Variants in FRAS1 observed in about 807,000 individuals in gnomAD.
The protein encoded by FRAS1 is extracellular matrix organizing protein FRAS1.
Under a neutral mutation model 435.2 loss-of-function variants are expected in FRAS1, and 290 were observed. The observed-to-expected ratio is 0.67, with a 90% CI of 0.61 to 0.73. The LOEUF is 0.73. FRAS1 is among the 30% of genes least tolerant of loss of function. The probability of loss-of-function intolerance (pLI) is 0.00; values close to 1 mark genes in which losing one functional copy is unlikely to be tolerated. For missense variants in FRAS1, 4,860 were observed against 5,001.5 expected, an observed-to-expected ratio of 0.97 and a Z score of 0.85; for synonymous variants, 1,800 against 1,851.0, an observed-to-expected ratio of 0.97 and a Z score of 0.71.
At chr4:78,292,208 A>G (rs1727932244) in intron 14 of FRAS1, among the ~76,000 whole-genome samples, 1 of 152,222 alleles carries the variant, frequency 6.6e-6, no homozygotes, top group Non-Finnish European at 1.5e-5. Flanking sequence ...ATCTAAATAA[A>G]ATCTGCTTTT....
chr4:78,401,881 T>C (rs1008410014), intron 30 of FRAS1, among the ~76,000 whole-genome samples: 1 of 139,148 alleles, frequency 7.2e-6, no homozygotes, highest in African/African-American at 2.5e-5. Flanking sequence ...GAGTTCTTTA[T>C]TGAAACTAAT....
At position 78,371,083 on chromosome 4, in the gene FRAS1, G is replaced by GGT. The variant is rs1456015210; in HGVS notation, c.2869+1099_2869+1100insGT. On this transcript the variant is annotated intron_variant, in intron 23 of 73. Coordinates refer to ENST00000512123, the MANE Select transcript of FRAS1 (RefSeq NM_025074.7). Reference sequence around the variant, plus strand: ...CTCGAGACCACAGAATTTTTTTTCTGTTTTTTTGTTTTTTTTTTTTTTTGC... The same window carrying GGT: ...CTCGAGACCACAGAATTTTTTTTCTGGTTTTTTTTGTTTTTTTTTTTTTTTGC... Among the ~76,000 whole-genome samples the GGT allele has an allele frequency of 9.2e-4, 117 of 127,420 alleles. 4 individuals are homozygous for GGT. Among genetic ancestry groups the GGT allele is most frequent in the African/African-American group, 1.9e-3 (59 of 31,482 alleles). The allele number at this position is 127,420 out of a possible 152,430, so 83.6% of individuals were successfully genotyped here.
At chr4:78,478,819 T>A (rs572280036) in intron 55 of FRAS1, among the ~76,000 whole-genome samples, 2 of 152,194 alleles carry the variant, frequency 1.3e-5, no homozygotes, top group African/African-American at 4.8e-5. Context: ...GCAAGCCTCA[T>A]TGATTGCTCT....
chr4:78,525,082 C>T (rs1308161713), intron 69 of FRAS1, among the ~76,000 whole-genome samples: 4 of 152,106 alleles, frequency 2.6e-5, no homozygotes, highest in African/African-American at 9.7e-5. Flanking sequence ...GAGTAGTAGA[C>T]AATAATGCTG....
At chr4:78,423,512 A>T (rs1221753271) in intron 34 of FRAS1, among the ~76,000 whole-genome samples, 1 of 152,222 alleles carries the variant, frequency 6.6e-6, no homozygotes, top group Admixed American at 6.5e-5. Flanking sequence ...CCATGGATAT[A>T]GGGTATTCTT....
chr4:78,346,428 C>T (rs988791358), intron 20 of FRAS1, among the ~76,000 whole-genome samples: 5 of 152,172 alleles, frequency 3.3e-5, no homozygotes, highest in African/African-American at 7.2e-5. Flanking sequence ...ACTTACCCAA[C>T]GTGTCACAGT....
chr4:78,334,546 T>C (rs1423605747), intron 19 of FRAS1, among the ~76,000 whole-genome samples: 2 of 150,358 alleles, frequency 1.3e-5, no homozygotes, highest in Non-Finnish European at 3.0e-5. Flanking sequence ...AACTCCTCTA[T>C]TTTTAGTAGA....
At position 78,413,077 on chromosome 4, in the gene FRAS1, C is replaced by T. The variant is rs758486734; in HGVS notation, c.4417C>T (p.His1473Tyr). ...TAAAGTGTCTCTGGAAGCATCTCTC[C>T]ATATGACTGTGAGTTGGGTGGGAGG... Reference protein sequence around the residue: ...APKVSLEASLHMTAREDGLTV... With the variant: ...APKVSLEASLYMTAREDGLTV... Residue 1473 changes from histidine (H) to tyrosine (Y), a missense_variant, in exon 32 of 74, where the codon CAT (histidine) becomes TAT (tyrosine). Transcript: ENST00000512123. 3.1e-6 allele frequency: 5 copies of T among 1,594,314 alleles called. No individual in the cohort carries two copies. In the South Asian group the frequency reaches 5.7e-5, roughly 18 times the overall value.
At chr4:78,242,863 T>C (rs1347572160) in intron 3 of FRAS1, among the ~76,000 whole-genome samples, 1 of 152,266 alleles carries the variant, frequency 6.6e-6, no homozygotes, top group Non-Finnish European at 1.5e-5. Context: ...TTTTATCATC[T>C]GTCATTTATC....
chr4:78,422,930 A>C (rs2110375242), intron 34 of FRAS1, among the ~76,000 whole-genome samples: 1 of 152,226 alleles, frequency 6.6e-6, no homozygotes. Context: ...AATTTGGCAG[A>C]AGACACCTTT....
chr4:78,274,155 T>G (rs192603549), intron 9 of FRAS1, among the ~76,000 whole-genome samples: 45 of 152,280 alleles, frequency 3.0e-4, no homozygotes, highest in African/African-American at 1.0e-3. Flanking sequence ...GGGATAGGTG[T>G]TGATATCCCC....
At chr4:78,373,784 A>G (rs771875423) in intron 24 of FRAS1, among the ~76,000 whole-genome samples, 4 of 152,008 alleles carry the variant, frequency 2.6e-5, no homozygotes, top group Non-Finnish European at 5.9e-5. Flanking sequence ...AAATAATAAT[A>G]ATAATAATAA....
intron 44 of FRAS1, among the ~76,000 whole-genome samples, chr4:78,449,124 C>G (rs1307702230): frequency 6.6e-6 from 1 of 152,134 alleles, no homozygotes; most frequent in East Asian, 1.9e-4. Flanking sequence ...GTAGAAGATA[C>G]AAGATTCCTC....
At chr4:78,225,891 A>G (rs903591959) in intron 2 of FRAS1, among the ~76,000 whole-genome samples, 2 of 152,156 alleles carry the variant, frequency 1.3e-5, no homozygotes, top group Admixed American at 6.5e-5. Context: ...ATGTTCCTGC[A>G]TTATAATTAT....
Position 78,511,258 on chromosome 4 carries a change from T to A in FRAS1, c.9781-16T>A. 1 of 1,559,444 alleles carries A rather than the reference T, an allele frequency of 6.4e-7. No homozygotes were observed. The highest frequency in any genetic ancestry group is 8.7e-7 in the Non-Finnish European group (1 of 1,149,380). On this transcript the variant is annotated splice_polypyrimidine_tract_variant and intron_variant, in intron 63 of 73. Coordinates refer to ENST00000512123, the MANE Select transcript of FRAS1 (RefSeq NM_025074.7). ...GTAGGGTACTCACATTGGAGGTGAT[T>A]TTTTCTTCCTGTTAGGTCCTGGACA...
At chr4:78,181,967 G>A (rs889752008) in intron 2 of FRAS1, 9 of 1,590,772 alleles carry the variant, frequency 5.7e-6, no homozygotes, top group Non-Finnish European at 7.7e-6. Flanking sequence ...CACCTCGAAG[G>A]GGTCCGATTC....
At chr4:78,172,129 T>G (rs771631679) in intron 2 of FRAS1, among the ~76,000 whole-genome samples, 1 of 152,142 alleles carries the variant, frequency 6.6e-6, no homozygotes, top group Non-Finnish European at 1.5e-5. Context: ...GTGTGTTTCC[T>G]GCCTCACTGT....
chr4:78,208,653 A>T (rs2110082585), intron 2 of FRAS1, among the ~76,000 whole-genome samples: 1 of 152,296 alleles, frequency 6.6e-6, no homozygotes, highest in African/African-American at 2.4e-5. Flanking sequence ...AGTCTCAGGA[A>T]TAATAAATTT....
intron 2 of FRAS1, among the ~76,000 whole-genome samples, chr4:78,169,243 A>G (rs1282205165): frequency 6.6e-6 from 1 of 152,002 alleles, no homozygotes; most frequent in Non-Finnish European, 1.5e-5. Context: ...AGGAATTTCA[A>G]TTTCCCTGAC....
Sources: gnomAD v4.1 joint callset for allele counts (sites outside exome capture counted in the v4.1 genomes callset) on GRCh38, gnomAD v4.1.1 for gene constraint, MANE v1.5 for transcripts, NCBI Gene and HGNC (gene_info 2026-07-23, HGNC 2026-07-21) for gene names.